CMBL: variants seen among roughly 807,000 people sequenced by gnomAD.
The protein encoded by CMBL is carboxymethylenebutenolidase homolog (Pseudomonas).
Under a neutral mutation model 28.7 loss-of-function variants are expected in CMBL, and 17 were observed. That is an observed-to-expected ratio of 0.59 (90% CI 0.41 to 0.89). The LOEUF (loss-of-function observed/expected upper bound fraction) is 0.89, where lower values mean the gene tolerates loss of function less well. Among genes scored for constraint, CMBL ranks in the 40% least tolerant of loss-of-function variants. CMBL has a pLI of 0.00. For synonymous variants in CMBL, 106 were observed against 101.6 expected (o/e 1.04, Z -0.26); for missense variants, 310 against 298.5 (o/e 1.04, Z -0.28).
In CMBL at chr5:10,290,648, C is replaced by A. The variant is rs369783862; in HGVS notation, c.115G>T (p.Val39Phe). The A allele has an allele frequency of 1.9e-6, 3 of 1,614,178 alleles. No homozygotes were observed. Among genetic ancestry groups the A allele is most frequent in the Non-Finnish European group, 1.7e-6 (2 of 1,180,018 alleles). ...ACAATCACAGCTTTGCCTGCATCAA[C>A]GGGGGATTTGGTGACATAAGCCTTG... is the stretch of plus-strand genomic sequence containing the variant. ...HIKAYVTKSP[V>F]DAGKAVIVIQ... Residue 39 changes from valine (V) to phenylalanine (F), a missense_variant, in exon 2 of 6, where the codon GTT becomes TTT. Coordinates refer to ENST00000296658, the MANE Select transcript of CMBL (RefSeq NM_138809.4).
At chr5:10,302,085 C>T (rs1397744481) in intron 1 of CMBL, among the ~76,000 whole-genome samples, 1 of 152,174 alleles carries the variant, frequency 6.6e-6, no homozygotes, top group East Asian at 1.9e-4. Context: ...CACGTGGGCA[C>T]AGCAGCCAGG....
chr5:10,281,330 G>A (rs1479212147), intron 5 of CMBL, among the ~76,000 whole-genome samples: 2 of 152,074 alleles, frequency 1.3e-5, no homozygotes, highest in Non-Finnish European at 2.9e-5. Flanking sequence ...CAATCTTCCT[G>A]CCTCAGGCTC....
rs1348273543 is a variant in CMBL, at chr5:10,286,355, A to T, written c.465T>A (p.Tyr155Ter). The T allele has an allele frequency of 6.2e-7, 1 of 1,613,732 alleles. No individual in the cohort carries two copies. The highest frequency in any genetic ancestry group is 1.1e-5 in the South Asian group (1 of 90,982). The change falls in exon 4 of 6, where the codon TAT (tyrosine) becomes TAA (stop). Residue 155 changes from tyrosine to a stop codon, truncating the protein, a stop_gained and splice_region_variant. Coordinates refer to ENST00000296658, the MANE Select transcript of CMBL (RefSeq NM_138809.4). LOFTEE classifies it high-confidence loss of function. ...TAAAAATGCACAAGGCAGATTTACCATAGACGGACACCCCTGCCCTGAATT... is the reference window on the plus strand; with the variant it reads ...TAAAAATGCACAAGGCAGATTTACCTTAGACGGACACCCCTGCCCTGAATT... ...YSEFRAGVSV[Y>*]GIVKDSEDIY...
chr5:10,282,647 G>A (rs999385280), intron 4 of CMBL, among the ~76,000 whole-genome samples: 3 of 152,050 alleles, frequency 2.0e-5, no homozygotes, highest in Admixed American at 2.0e-4. Flanking sequence ...GCCGGGTGTG[G>A]TGGTGCATGC....
intron 3 of CMBL, among the ~76,000 whole-genome samples, chr5:10,288,097 G>A (rs530813201): frequency 1.1e-4 from 16 of 150,956 alleles, no homozygotes; most frequent in African/African-American, 3.4e-4. Context: ...GTGAAACCCC[G>A]TCTCTACTAA....
At chr5:10,306,371 G>A (rs1747000722) in intron 1 of CMBL, among the ~76,000 whole-genome samples, 1 of 152,164 alleles carries the variant, frequency 6.6e-6, no homozygotes, top group South Asian at 2.1e-4. Flanking sequence ...AGGGGGCAGA[G>A]AGGAGGAGGA....
intron 3 of CMBL, 106 bp downstream of exon 3, chr5:10,288,316 G>A (rs1182997573): frequency 3.7e-6 from 3 of 812,290 alleles, no homozygotes; most frequent in African/African-American, 3.4e-5. Context: ...TGGCCATGGA[G>A]AAGTCCTACC....
intron 4 of CMBL, among the ~76,000 whole-genome samples, chr5:10,284,242 T>C (rs1746556336): frequency 1.3e-5 from 2 of 152,268 alleles, no homozygotes; most frequent in African/African-American, 4.8e-5. Flanking sequence ...AAGCATGGTC[T>C]GGACAAAGCA....
intron 1 of CMBL, among the ~76,000 whole-genome samples, chr5:10,297,821 C>T (rs1218327464): frequency 6.6e-6 from 1 of 151,994 alleles, no homozygotes; most frequent in Non-Finnish European, 1.5e-5. Flanking sequence ...TCCTCACGCA[C>T]CCAAGGGAGG....
intron 1 of CMBL, among the ~76,000 whole-genome samples, chr5:10,304,430 CTG>C (rs1746962464): frequency 6.6e-6 from 1 of 152,296 alleles, no homozygotes; most frequent in African/African-American, 2.4e-5. Flanking sequence ...CTTATTGAAT[CTG>C]TGTGTTTGGC....
chr5:10,285,705 T>TC (rs1746588590), intron 4 of CMBL, among the ~76,000 whole-genome samples: 1 of 149,220 alleles, frequency 6.7e-6, no homozygotes, highest in South Asian at 2.1e-4. Flanking sequence ...TTTTTCTTTT[T>TC]TTTTTTTTTT....
In CMBL at chr5:10,292,826, C is replaced by CAAAAA. The variant is rs34798121; in HGVS notation, c.-19-2050_-19-2046dup. Among the ~76,000 whole-genome samples the CAAAAA allele has an allele frequency of 6.4e-3, 685 of 106,866 alleles. 6 individuals are homozygous for CAAAAA. Among genetic ancestry groups the CAAAAA allele is most frequent in the Non-Finnish European group, 9.9e-3 (550 of 55,676 alleles). 70.1% of individuals were successfully genotyped at this position (106,866 alleles called of 152,430 possible). ...GCAACAAGAGCGAGGCTCTGTCTCA[C>CAAAAA]AAAAAAAAAAAAAAAAAAATTAAGG... On this transcript the variant is annotated intron_variant, in intron 1 of 5. Coordinates refer to ENST00000296658, the MANE Select transcript of CMBL (RefSeq NM_138809.4).
intron 1 of CMBL, among the ~76,000 whole-genome samples, chr5:10,291,012 A>G (rs1319788901): frequency 6.6e-6 from 1 of 152,216 alleles, no homozygotes; most frequent in Non-Finnish European, 1.5e-5. Flanking sequence ...TAGCGATGAA[A>G]GAACTCACAG....
chr5:10,290,960 C>T (rs979546445), intron 1 of CMBL, among the ~76,000 whole-genome samples, 179 bp from the exon 2 acceptor site: 5 of 152,164 alleles, frequency 3.3e-5, no homozygotes, highest in Non-Finnish European at 7.3e-5. Flanking sequence ...AGGCTATAGA[C>T]ACTAGAAATG....
intron 4 of CMBL, among the ~76,000 whole-genome samples, chr5:10,284,635 C>T (rs1398354677): frequency 6.6e-6 from 1 of 152,218 alleles, no homozygotes; most frequent in Non-Finnish European, 1.5e-5. Flanking sequence ...TTTTGCCCAA[C>T]TGTAGCCTGA....
intron 4 of CMBL, among the ~76,000 whole-genome samples, chr5:10,285,703 T>TTC (rs1554013430): frequency 1.4e-5 from 2 of 148,120 alleles, no homozygotes; most frequent in Non-Finnish European, 3.0e-5. Flanking sequence ...TCTTTTTCTT[T>TTC]TTTTTTTTTT....
At chr5:10,283,959 ACT>A (rs1283674917) in intron 4 of CMBL, among the ~76,000 whole-genome samples, 31 of 152,326 alleles carry the variant, frequency 2.0e-4, no homozygotes, top group African/African-American at 7.5e-4. Context: ...AAATAACATA[ACT>A]TTTTTCCACT....
chr5:10,281,108 T>C (rs1468552545), intron 5 of CMBL, among the ~76,000 whole-genome samples: 1 of 152,246 alleles, frequency 6.6e-6, no homozygotes, highest in East Asian at 1.9e-4. Context: ...ACAGTCCTTA[T>C]GTCTGGCAAA....
Position 10,293,963 on chromosome 5 carries a change from T to C in CMBL, c.-19-3182A>G, listed in dbSNP as rs1053403541. 5.9e-5 allele frequency among the ~76,000 whole-genome samples: 9 copies of C among 152,132 alleles called. No homozygotes were observed. The South Asian group carries it at 6.2e-4, about 11-fold the overall frequency. On this transcript the variant is annotated intron_variant, in intron 1 of 5. Coordinates refer to ENST00000296658, the MANE Select transcript of CMBL (RefSeq NM_138809.4). ...TGAGGGTGTGAGTTGCAATTTACAATGGTGTATTGGGGAACAGCTTGTTGG... is the reference window on the plus strand; with the variant it reads ...TGAGGGTGTGAGTTGCAATTTACAACGGTGTATTGGGGAACAGCTTGTTGG...
Sources: gnomAD v4.1 joint callset for allele counts (sites outside exome capture counted in the v4.1 genomes callset) on GRCh38, gnomAD v4.1.1 for gene constraint, MANE v1.5 for transcripts, NCBI Gene and HGNC (gene_info 2026-07-23, HGNC 2026-07-21) for gene names.